CBFA2T2: variants seen among roughly 807,000 people sequenced by gnomAD.
CBFA2T2 encodes the protein protein CBFA2T2.
CBFA2T2 carries 11 observed loss-of-function variants against 62.2 expected under a neutral mutation model. The ratio of observed to expected loss-of-function variants is 0.18; its 90% confidence interval spans 0.11 to 0.29. The LOEUF (loss-of-function observed/expected upper bound fraction) is 0.29, where lower values mean the gene tolerates loss of function less well. Among genes scored for constraint, CBFA2T2 ranks in the 10% least tolerant of loss-of-function variants. The pLI is 1.00. For synonymous variants in CBFA2T2, 295 were observed against 287.5 expected (o/e 1.03, Z -0.27); for missense variants, 592 against 774.1 (o/e 0.76, Z 2.79).
intron 1 of CBFA2T2, among the ~76,000 whole-genome samples, chr20:33,518,494 G>T (rs1428398369): frequency 6.6e-6 from 1 of 151,938 alleles, no homozygotes; most frequent in Non-Finnish European, 1.5e-5. Flanking sequence ...CAGGCACGGT[G>T]GCTCACTCCT....
In CBFA2T2 at chr20:33,538,269, G is replaced by T. The variant is rs147385202; in HGVS notation, c.34+47968G>T. ...AGTATTTGGTCATTGCTACTCTATA[G>T]ACATGAAGTTGATTTTTGTGTATTG... On this transcript the variant is annotated intron_variant, in intron 1 of 10. Coordinates refer to ENST00000342704, the MANE Select transcript of CBFA2T2 (RefSeq NM_001032999.3). Among the ~76,000 whole-genome samples, 11 of 152,090 alleles carry T rather than the reference G, an allele frequency of 7.2e-5. No individual in the cohort carries two copies. The East Asian group carries it at 2.1e-3, about 29-fold the overall frequency.
chr20:33,586,027 C>T (rs1261622604), intron 1 of CBFA2T2, among the ~76,000 whole-genome samples: 1 of 152,206 alleles, frequency 6.6e-6, no homozygotes, highest in East Asian at 1.9e-4. Flanking sequence ...TTTTATTCTT[C>T]TACCTTCTTT....
chr20:33,516,281 C>A (rs1041940013), intron 1 of CBFA2T2, among the ~76,000 whole-genome samples: 1 of 151,742 alleles, frequency 6.6e-6, no homozygotes, highest in Non-Finnish European at 1.5e-5. Flanking sequence ...ACCAGTCTGG[C>A]CAACATAGTG....
At chr20:33,575,309 T>A (rs754149313) in intron 1 of CBFA2T2, among the ~76,000 whole-genome samples, 1 of 152,242 alleles carries the variant, frequency 6.6e-6, no homozygotes, top group Non-Finnish European at 1.5e-5. Context: ...TGCTTTACCC[T>A]GCTGTTTAAA....
intron 1 of CBFA2T2, among the ~76,000 whole-genome samples, chr20:33,496,595 C>A (rs2011201472): frequency 6.6e-6 from 1 of 152,138 alleles, no homozygotes; most frequent in South Asian, 2.1e-4. Flanking sequence ...TGGTAAATGA[C>A]CATATTTACT....
At chr20:33,562,140 G>T (rs2013109500) in intron 1 of CBFA2T2, among the ~76,000 whole-genome samples, 2 of 152,138 alleles carry the variant, frequency 1.3e-5, no homozygotes, top group African/African-American at 4.8e-5. Flanking sequence ...GAGTCTGTGT[G>T]TCTCTGTGTG....
At chr20:33,540,790 A>G (rs2012391665) in intron 1 of CBFA2T2, among the ~76,000 whole-genome samples, 1 of 152,182 alleles carries the variant, frequency 6.6e-6, no homozygotes, top group Non-Finnish European at 1.5e-5. Flanking sequence ...CTGCGTATAT[A>G]AAGTATGTTA....
Position 33,501,201 on chromosome 20 carries a change from T to C in CBFA2T2, c.34+10900T>C, listed in dbSNP as rs556426523. 2.6e-5 allele frequency among the ~76,000 whole-genome samples: 4 copies of C among 152,318 alleles called. No individual in the cohort carries two copies. In the East Asian group the frequency reaches 7.7e-4, roughly 29 times the overall value. ...TCAAATTAGCTGATGGTGACAAATATGTAATGTGACCTCTGTAGCAGCTCC... is the reference window on the plus strand; with the variant it reads ...TCAAATTAGCTGATGGTGACAAATACGTAATGTGACCTCTGTAGCAGCTCC... On this transcript the variant is annotated intron_variant, in intron 1 of 10. Coordinates refer to ENST00000342704, the MANE Select transcript of CBFA2T2 (RefSeq NM_001032999.3).
rs1348632334 is a variant in CBFA2T2, at chr20:33,624,859, C to T, written c.788C>T (p.Ala263Val). 1 of 1,614,124 alleles carries T rather than the reference C, an allele frequency of 6.2e-7. No homozygotes were observed. Among genetic ancestry groups the T allele is most frequent in the Non-Finnish European group, 8.5e-7 (1 of 1,179,984 alleles). The change falls in exon 6 of 11, where the codon GCT becomes GTT. Residue 263 changes from alanine (A) to valine (V), a missense_variant. Around this residue, in one of 3 missense-constraint regions of CBFA2T2, gnomAD observed 449 missense variants for 551.2 expected, o/e 0.81. Coordinates refer to ENST00000342704, the MANE Select transcript of CBFA2T2 (RefSeq NM_001032999.3). The part of the protein sequence containing the change: ...TISPAPRHSP[A>V]LTVPLMNPGG... ...AGCCCTGCTCCTCGGCACAGTCCTG[C>T]TCTCACTGTGCCCCTCATGAATCCC...
Position 33,643,829 on chromosome 20 carries a change from G to A in CBFA2T2, c.1489-518G>A, listed in dbSNP as rs1367304255. Among the ~76,000 whole-genome samples the A allele has an allele frequency of 3.4e-4, 30 of 87,432 alleles. 2 individuals carry two copies. Among genetic ancestry groups the A allele is most frequent in the African/African-American group, 1.6e-3 (29 of 18,450 alleles). The allele number at this position is 87,432 out of a possible 152,430, so 57.4% of individuals were successfully genotyped here. A position where few individuals can be genotyped will look rare whatever the true frequency, so the allele number is the denominator to read the frequency against. On this transcript the variant is annotated intron_variant, in intron 10 of 10. Coordinates refer to ENST00000342704, the MANE Select transcript of CBFA2T2 (RefSeq NM_001032999.3). ...TATATATATATATAGTATATAATGT[G>A]TGTGTGTGTGTGTGTGTGTGTGTGT...
intron 1 of CBFA2T2, among the ~76,000 whole-genome samples, chr20:33,567,438 C>CA (rs2146898788): frequency 1.3e-5 from 2 of 152,276 alleles, no homozygotes; most frequent in South Asian, 4.1e-4. Flanking sequence ...TCCAGGGTTT[C>CA]AGTTACCTGT....
intron 1 of CBFA2T2, among the ~76,000 whole-genome samples, chr20:33,570,112 T>A (rs2013487709): frequency 6.6e-6 from 1 of 152,084 alleles, no homozygotes; most frequent in Non-Finnish European, 1.5e-5. Flanking sequence ...AGCCCCATCT[T>A]TACTAAAAAT....
intron 1 of CBFA2T2, chr20:33,562,516 G>C (rs1244540320): frequency 2.3e-5 from 23 of 985,788 alleles, no homozygotes; most frequent in Non-Finnish European, 2.7e-5. Flanking sequence ...GCAGATGTGA[G>C]AGAGCTGACA....
chr20:33,563,991 A>C (rs1206415632), intron 1 of CBFA2T2, among the ~76,000 whole-genome samples: 2 of 152,142 alleles, frequency 1.3e-5, no homozygotes, highest in Non-Finnish European at 2.9e-5. Flanking sequence ...GAGGTACTGA[A>C]TTGTACTGCT....
intron 1 of CBFA2T2, among the ~76,000 whole-genome samples, chr20:33,593,343 A>G (rs996557371): frequency 6.7e-6 from 1 of 148,848 alleles, no homozygotes; most frequent in Admixed American, 6.7e-5. Flanking sequence ...AACAAAAAAC[A>G]AAAAAAACCT....
chr20:33,594,597 G>T (rs548051781), intron 1 of CBFA2T2, among the ~76,000 whole-genome samples: 1 of 152,302 alleles, frequency 6.6e-6, no homozygotes, highest in South Asian at 2.1e-4. Context: ...GAACCCAAGA[G>T]ACCTGGCTTT....
Position 33,490,115 on chromosome 20 carries a change from A to T in CBFA2T2, c.-153A>T. 1 of 711,846 alleles carries T rather than the reference A, an allele frequency of 1.4e-6. No individual in the cohort carries two copies. The highest frequency in any genetic ancestry group is 1.8e-6 in the Non-Finnish European group (1 of 544,930). The allele number at this position is 711,846 out of a possible 1,614,324, so 44.1% of individuals were successfully genotyped here. A position where few individuals can be genotyped will look rare whatever the true frequency, so the allele number is the denominator to read the frequency against. ...GGCGGCGGCGGCGGCGGCGACGGCG[A>T]CAGCAGCGGTGGTGGTGTCTGGTTA... is the stretch of plus-strand genomic sequence containing the variant. On this transcript the variant is annotated 5_prime_UTR_variant, in exon 1 of 11. Coordinates refer to ENST00000342704, the MANE Select transcript of CBFA2T2 (RefSeq NM_001032999.3).
At chr20:33,558,529 A>G (rs2012982784) in intron 1 of CBFA2T2, among the ~76,000 whole-genome samples, 1 of 152,022 alleles carries the variant, frequency 6.6e-6, no homozygotes. Context: ...AAAGTTTTCC[A>G]CATTCTCGAC....
At chr20:33,574,074 C>T in intron 1 of CBFA2T2, 1 of 1,477,964 alleles carries the variant, frequency 6.8e-7, no homozygotes, top group Non-Finnish European at 9.1e-7. Flanking sequence ...CAGGCAAGAG[C>T]CACCATACCA....
Sources: gnomAD v4.1 joint callset for allele counts (sites outside exome capture counted in the v4.1 genomes callset) on GRCh38, gnomAD v4.1.1 for gene constraint, gnomAD v4.1.1 regional missense constraint, MANE v1.5 for transcripts, NCBI Gene and HGNC (gene_info 2026-07-23, HGNC 2026-07-21) for gene names.